PTK7: variants seen among roughly 807,000 people sequenced by gnomAD.
The protein encoded by PTK7 is inactive tyrosine-protein kinase 7.
PTK7 carries 39 observed loss-of-function variants against 116.6 expected under a neutral mutation model. The observed-to-expected ratio is 0.33, with a 90% CI of 0.26 to 0.44. The LOEUF is 0.44. PTK7 is among the 20% of genes least tolerant of loss of function. The pLI is 1.00. For synonymous variants in PTK7, 546 were observed against 563.6 expected (o/e 0.97, Z 0.44); for missense variants, 1,169 against 1,425.6 (o/e 0.82, Z 2.90).
chr6:43,152,907 C>T (rs989356899), intron 17 of PTK7, among the ~76,000 whole-genome samples: 1 of 150,898 alleles, frequency 6.6e-6, no homozygotes, highest in Non-Finnish European at 1.5e-5. Context: ...TGCCTCGGCC[C>T]CCTGAGTAGC....
chr6:43,158,761 T>C, intron 17 of PTK7, 56 bp from the exon 18 acceptor site: 1 of 1,562,484 alleles, frequency 6.4e-7, no homozygotes, highest in East Asian at 2.3e-5. Context: ...GTGTTGAGGG[T>C]GGTCATCTTG....
intron 17 of PTK7, among the ~76,000 whole-genome samples, chr6:43,152,323 A>G (rs1771165465): frequency 6.6e-6 from 1 of 152,144 alleles, no homozygotes; most frequent in African/African-American, 2.4e-5. Flanking sequence ...ATTCACCATC[A>G]GTTTGAGACC....
At chr6:43,119,953 G>C (rs1459557150) in intron 1 of PTK7, among the ~76,000 whole-genome samples, 1 of 152,162 alleles carries the variant, frequency 6.6e-6, no homozygotes, top group Non-Finnish European at 1.5e-5. Context: ...GAGCTTTTGA[G>C]TCCTGGGTTC....
At chr6:43,157,343 TA>T (rs1561990088) in intron 17 of PTK7, among the ~76,000 whole-genome samples, 6,439 of 41,536 alleles carry the variant, frequency 0.16, 1,199 homozygotes, top group Admixed American at 0.22. Flanking sequence ...TATATATATA[TA>T]TATATATATA....
Position 43,129,695 on chromosome 6 carries a change from G to A in PTK7, c.368-32G>A, listed in dbSNP as rs1007842509. On this transcript the variant is annotated intron_variant, in intron 2 of 19. Transcript: ENST00000230419. The surrounding 1 kb of genome is among the most constrained non-coding windows in gnomAD (Gnocchi z 4.5). ...TGCCTTCCCGCCTTTGCCCTGCTCT[G>A]CCCCTCACTGCAACCGTGGCCTCTG... The A allele has an allele frequency of 6.3e-7, 1 of 1,595,740 alleles. No homozygotes were observed. The highest frequency in any genetic ancestry group is 8.6e-7 in the Non-Finnish European group (1 of 1,163,732).
chr6:43,126,489 C>G (rs182278549), intron 1 of PTK7, among the ~76,000 whole-genome samples: 14 of 152,316 alleles, frequency 9.2e-5, no homozygotes, highest in African/African-American at 3.4e-4. Flanking sequence ...TCAGGCAGTG[C>G]TTGCTGGGTG....
At chr6:43,151,803 C>T (rs1050077315) in intron 17 of PTK7, among the ~76,000 whole-genome samples, 5 of 142,272 alleles carry the variant, frequency 3.5e-5, no homozygotes. Flanking sequence ...TCCCAAAGTG[C>T]TGGGATTACA....
Position 43,130,632 on chromosome 6 carries a change from G to C in PTK7, c.783G>C (p.Glu261Asp). ...QPPPSLQWLF[E>D]DETPITNRSR... Reference sequence around the variant, plus strand: ...CCCCGAGCCTGCAGTGGCTCTTTGAGGATGAGACTCCCATCACTAACCGCA... The same window carrying C: ...CCCCGAGCCTGCAGTGGCTCTTTGACGATGAGACTCCCATCACTAACCGCA... Residue 261 changes from glutamate (E) to aspartate (D), a missense_variant, in exon 5 of 20, where the codon GAG (glutamate) becomes GAC (aspartate). Transcript: ENST00000230419. 1 of 1,614,216 alleles carries C rather than the reference G, an allele frequency of 6.2e-7. No individual in the cohort carries two copies. Among genetic ancestry groups the C allele is most frequent in the South Asian group, 1.1e-5 (1 of 91,086 alleles).
chr6:43,101,306 A>T (rs1049381654), intron 1 of PTK7, among the ~76,000 whole-genome samples: 1 of 152,080 alleles, frequency 6.6e-6, no homozygotes, highest in Non-Finnish European at 1.5e-5. Context: ...TAATCCCAGC[A>T]CTTTAGGAGG....
At chr6:43,160,619 G>A (rs1771792637) in intron 19 of PTK7, 102 bp from the exon 20 acceptor site, 2 of 1,455,776 alleles carry the variant, frequency 1.4e-6, no homozygotes, top group East Asian at 4.6e-5. Flanking sequence ...TTGCCCCAGA[G>A]GCATCCTTGG....
intron 1 of PTK7, 88 bp from the exon 2 acceptor site, chr6:43,128,889 C>A: frequency 7.2e-7 from 1 of 1,393,624 alleles, no homozygotes; most frequent in Non-Finnish European, 9.8e-7. Context: ...TGTACACAGC[C>A]CCTTTCCTCC....
intron 17 of PTK7, among the ~76,000 whole-genome samples, chr6:43,152,656 A>G (rs1461985771): frequency 6.6e-6 from 1 of 152,252 alleles, no homozygotes; most frequent in Non-Finnish European, 1.5e-5. Context: ...GCTGGTCAAT[A>G]TAGTTGTCAC....
chr6:43,101,281 G>A (rs1365757792), intron 1 of PTK7, among the ~76,000 whole-genome samples: 4 of 151,564 alleles, frequency 2.6e-5, no homozygotes, highest in Admixed American at 1.3e-4. Context: ...GGCTGGGCGC[G>A]GTGGCTCACG....
At position 43,138,702 on chromosome 6, in the gene PTK7, C is replaced by G. The variant is rs565118754; in HGVS notation, c.1229-147C>G. ...TTAAAAAAGGTGCTGGCACCTGGGTCTTCCGTAAAGGGAAACTCCTGCCAT... is the reference window on the plus strand; with the variant it reads ...TTAAAAAAGGTGCTGGCACCTGGGTGTTCCGTAAAGGGAAACTCCTGCCAT... On this transcript the variant is annotated intron_variant, in intron 7 of 19. Coordinates refer to ENST00000230419, the MANE Select transcript of PTK7 (RefSeq NM_002821.5). 2.6e-6 allele frequency: 3 copies of G among 1,167,342 alleles called. No individual in the cohort carries two copies. In the African/African-American group the frequency reaches 4.6e-5, roughly 18 times the overall value. The allele number at this position is 1,167,342 out of a possible 1,614,324, so 72.3% of individuals were successfully genotyped here.
At position 43,129,221 on chromosome 6, in the gene PTK7, T is replaced by C. The variant is rs368013087; in HGVS notation, c.324T>C (p.Thr108=). Residue 108 remains threonine (T), a synonymous_variant, in exon 2 of 20, where the codon ACT becomes ACC. Coordinates refer to ENST00000230419, the MANE Select transcript of PTK7 (RefSeq NM_002821.5). This position sits in a 1 kb window ranked among gnomAD's most constrained non-coding sequence, Gnocchi z 4.5. The stretch of plus-strand genomic sequence containing the variant: ...AGTGTGTGGCTCGGGATGATGTCAC[T>C]GGAGAAGAAGCCCGCAGTGCCAACG... ...TFQCVARDDV[T]GEEARSANAS... 1.3e-5 allele frequency: 21 copies of C among 1,613,988 alleles called. No individual in the cohort carries two copies. The highest frequency in any genetic ancestry group is 9.3e-5 in the African/African-American group (7 of 74,914).
intron 1 of PTK7, among the ~76,000 whole-genome samples, chr6:43,079,810 C>T (rs776985223): frequency 4.8e-4 from 72 of 151,416 alleles, no homozygotes; most frequent in Non-Finnish European, 7.7e-4. Context: ...TGTTATCCCA[C>T]CACTTTGGGA....
intron 7 of PTK7, chr6:43,133,126 T>TA (rs1487210441): frequency 3.0e-6 from 1 of 332,692 alleles, no homozygotes; most frequent in Non-Finnish European, 5.4e-6. Flanking sequence ...TTTTCTTTTT[T>TA]TCTTTTTTGG....
At chr6:43,105,285 C>G (rs1278370916) in intron 1 of PTK7, among the ~76,000 whole-genome samples, 1 of 136,782 alleles carries the variant, frequency 7.3e-6, no homozygotes, top group African/African-American at 2.7e-5. Context: ...TTCATAATGA[C>G]AAAAAGAAAA....
At chr6:43,098,178 A>G (rs1767362060) in intron 1 of PTK7, among the ~76,000 whole-genome samples, 1 of 152,056 alleles carries the variant, frequency 6.6e-6, no homozygotes, top group Non-Finnish European at 1.5e-5. Context: ...CCTCCTCAAC[A>G]TGGACTTTGG....
Sources: gnomAD v4.1 joint callset for allele counts (sites outside exome capture counted in the v4.1 genomes callset) on GRCh38, gnomAD v4.1.1 for gene constraint, Gnocchi (gnomAD v3.1) non-coding constraint, MANE v1.5 for transcripts, NCBI Gene and HGNC (gene_info 2026-07-23, HGNC 2026-07-21) for gene names.